RIMS1: variants seen among roughly 807,000 people sequenced by gnomAD.
RIMS1 encodes the protein regulating synaptic membrane exocytosis protein 1.
Under a neutral mutation model 214.1 loss-of-function variants are expected in RIMS1, and 83 were observed. That is an observed-to-expected ratio of 0.39 (90% CI 0.32 to 0.47). The LOEUF is 0.47. Among genes scored for constraint, RIMS1 ranks in the 20% least tolerant of loss-of-function variants. RIMS1 has a pLI of 0.99. For missense variants in RIMS1, 2,050 were observed against 2,161.8 expected (o/e 0.95, Z 1.03); for synonymous variants, 793 against 786.8 (o/e 1.01, Z -0.13).
intron 29 of RIMS1, among the ~76,000 whole-genome samples, chr6:72,370,434 A>G (rs2098179662): frequency 6.6e-6 from 1 of 152,200 alleles, no homozygotes. Context: ...AGCAAGTTAT[A>G]TTTAACTTTC....
chr6:72,156,280 G>C (rs766320727), intron 4 of RIMS1, among the ~76,000 whole-genome samples: 1 of 140,370 alleles, frequency 7.1e-6, no homozygotes, highest in Non-Finnish European at 1.6e-5. Context: ...AATATTATTC[G>C]GCCTTAAAAA....
At position 72,371,127 on chromosome 6, in the gene RIMS1, T is replaced by A. The variant is rs541318701; in HGVS notation, c.4367-19471T>A. Reference sequence around the variant, plus strand: ...CTATTCCTTTTCTCTCATATCTCTGTGTGTCTGTGTCTGTATGTGTATGTA... The same window carrying A: ...CTATTCCTTTTCTCTCATATCTCTGAGTGTCTGTGTCTGTATGTGTATGTA... On this transcript the variant is annotated intron_variant, in intron 29 of 33. Transcript: ENST00000521978. 1.2e-3 allele frequency among the ~76,000 whole-genome samples: 178 copies of A among 152,300 alleles called. 2 individuals are homozygous for A. The highest frequency in any genetic ancestry group is 6.8e-3 in the Middle Eastern group (2 of 294).
intron 1 of RIMS1, among the ~76,000 whole-genome samples, chr6:71,918,943 G>A (rs529785834): frequency 3.9e-5 from 6 of 152,212 alleles, no homozygotes. Context: ...TAGTCAGATA[G>A]AAGGATACTA....
chr6:72,037,602 A>G (rs1025760885), intron 2 of RIMS1, among the ~76,000 whole-genome samples: 1 of 152,122 alleles, frequency 6.6e-6, no homozygotes, highest in African/African-American at 2.4e-5. Flanking sequence ...GTTTGGACAT[A>G]TGTGTAGACC....
intron 2 of RIMS1, among the ~76,000 whole-genome samples, chr6:71,972,834 TA>T (rs1796200238): frequency 6.6e-6 from 1 of 152,222 alleles, no homozygotes; most frequent in Admixed American, 6.5e-5. Flanking sequence ...AAAATGCGTT[TA>T]AAAAGAGAAA....
intron 26 of RIMS1, among the ~76,000 whole-genome samples, chr6:72,302,071 G>T (rs976450260): frequency 5.3e-5 from 8 of 151,546 alleles, no homozygotes; most frequent in Admixed American, 2.6e-4. Flanking sequence ...CTGCTGGAAG[G>T]TTCTCTGAGC....
intron 4 of RIMS1, among the ~76,000 whole-genome samples, chr6:72,138,983 GCTATATTTTATAATAACTAAATTAAAA>G (rs1313122439): frequency 6.6e-6 from 1 of 152,178 alleles, no homozygotes; most frequent in Admixed American, 6.5e-5. Flanking sequence ...GATGAGCAGT[GCTATATTTTATAATAACTAAATTAAAA>G]TTCCTATAAA....
chr6:72,213,297 G>GT, intron 6 of RIMS1: 1 of 1,262,040 alleles, frequency 7.9e-7, no homozygotes, highest in Non-Finnish European at 1.1e-6. Flanking sequence ...CACTCCCTCT[G>GT]TATCTATTTT....
chr6:71,948,122 G>T (rs556838407), intron 1 of RIMS1, among the ~76,000 whole-genome samples: 2 of 152,014 alleles, frequency 1.3e-5, no homozygotes, highest in African/African-American at 4.8e-5. Context: ...AGAGTCACAG[G>T]TTGTGTATCT....
chr6:72,086,653 A>G (rs913873726), intron 2 of RIMS1, among the ~76,000 whole-genome samples: 41 of 152,126 alleles, frequency 2.7e-4, no homozygotes, highest in African/African-American at 9.9e-4. Context: ...TGTTGAATTG[A>G]TGTTTGGAAG....
intron 6 of RIMS1, among the ~76,000 whole-genome samples, chr6:72,193,121 A>G (rs2050322693): frequency 6.6e-6 from 1 of 152,242 alleles, no homozygotes; most frequent in South Asian, 2.1e-4. Flanking sequence ...ATTATTTACA[A>G]TAACAGCAGA....
chr6:71,984,216 C>T (rs970849469), intron 2 of RIMS1, among the ~76,000 whole-genome samples: 1 of 152,050 alleles, frequency 6.6e-6, no homozygotes, highest in African/African-American at 2.4e-5. Context: ...GCTTAAAAAA[C>T]ATCTCTCTAT....
chr6:72,128,005 C>T (rs909444874), intron 4 of RIMS1, among the ~76,000 whole-genome samples: 3 of 152,138 alleles, frequency 2.0e-5, no homozygotes, highest in African/African-American at 7.2e-5. Flanking sequence ...AAATTGATAA[C>T]TAATGTATGT....
At chr6:72,242,627 A>G (rs2067438878) in intron 10 of RIMS1, among the ~76,000 whole-genome samples, 190 bp downstream of exon 10, 1 of 151,916 alleles carries the variant, frequency 6.6e-6, no homozygotes, top group Non-Finnish European at 1.5e-5. Flanking sequence ...ACTTCACTAC[A>G]TTTTAGAAGC....
chr6:72,213,577 T>G (rs2154011549), intron 6 of RIMS1, among the ~76,000 whole-genome samples: 2 of 152,206 alleles, frequency 1.3e-5, no homozygotes, highest in South Asian at 4.2e-4. Context: ...GTGCATGGGT[T>G]TTTTTTTCTG....
At chr6:72,146,595 C>T (rs1456501853) in intron 4 of RIMS1, among the ~76,000 whole-genome samples, 4 of 152,180 alleles carry the variant, frequency 2.6e-5, no homozygotes, top group Non-Finnish European at 2.9e-5. Flanking sequence ...ATTGAAAAAC[C>T]AAATAATAAC....
chr6:72,177,389 T>C (rs1198259394), intron 4 of RIMS1, among the ~76,000 whole-genome samples: 1 of 152,088 alleles, frequency 6.6e-6, no homozygotes, highest in Non-Finnish European at 1.5e-5. Context: ...GTAGCTGGGA[T>C]TATAGGCATG....
chr6:72,373,022 G>C (rs774538020), intron 29 of RIMS1, among the ~76,000 whole-genome samples: 1 of 152,208 alleles, frequency 6.6e-6, no homozygotes, highest in African/African-American at 2.4e-5. Context: ...CAAAGACTTA[G>C]AAGTGGAAAA....
At chr6:71,903,761 T>TG (rs57316256) in intron 1 of RIMS1, among the ~76,000 whole-genome samples, 15 of 148,462 alleles carry the variant, frequency 1.0e-4, no homozygotes, top group African/African-American at 3.5e-4. Context: ...TGTGTGTGTG[T>TG]TTTTTTTTTC....
Sources: allele counts gnomAD v4.1 joint callset (sites outside exome capture counted in the v4.1 genomes callset), GRCh38; gene constraint gnomAD v4.1.1; transcripts MANE v1.5; gene names NCBI Gene and HGNC (gene_info 2026-07-23, HGNC 2026-07-21).